The following KANK1 variants were observed in gnomAD, a reference collection of about 807,000 sequenced individuals.
KANK1 encodes the protein KN motif and ankyrin repeat domains 1.
KANK1 carries 109 observed loss-of-function variants against 106.2 expected under a neutral mutation model. The ratio of observed to expected loss-of-function variants is 1.03; its 90% CI spans 0.88 to 1.20. The LOEUF (loss-of-function observed/expected upper bound fraction) is 1.20. KANK1 is among the 50% of genes most tolerant of loss of function. The probability of loss-of-function intolerance (pLI) is 0.00; values close to 1 mark genes in which losing one functional copy is unlikely to be tolerated. For synonymous variants in KANK1, 873 were observed against 652.2 expected (o/e 1.34, Z -5.16); for missense variants, 2,399 against 1,710.7 (o/e 1.40, Z -7.10).
chr9:699,340 C>T (rs773132483), intron 2 of KANK1, among the ~76,000 whole-genome samples: 1 of 152,194 alleles, frequency 6.6e-6, no homozygotes, highest in African/African-American at 2.4e-5. Context: ...CTATTGCAGG[C>T]ACTTAATAAA....
rs528661170 is a variant in KANK1, at chr9:476,275, CT to C, written c.-362+3005del. ...GTGGCTCACGCCTGTAATCCCAGCA[CT>C]TTGGGAGGCCGAGGCGGGTGGATCA... On this transcript the variant is annotated intron_variant, in intron 3 of 15. Transcript: ENST00000382303. 3.7e-3 allele frequency among the ~76,000 whole-genome samples: 556 copies of C among 152,230 alleles called. 4 individuals are homozygous for C. Among genetic ancestry groups the C allele is most frequent in the African/African-American group, 0.013 (535 of 41,540 alleles).
intron 1 of KANK1, among the ~76,000 whole-genome samples, chr9:638,044 T>A (rs756760752): frequency 2.6e-5 from 4 of 152,190 alleles, no homozygotes; most frequent in Non-Finnish European, 5.9e-5. Context: ...ACATCCAGGT[T>A]ACATACAGAT....
At chr9:495,763 C>T (rs1482721558) in intron 3 of KANK1, among the ~76,000 whole-genome samples, 1 of 152,102 alleles carries the variant, frequency 6.6e-6, no homozygotes, top group Non-Finnish European at 1.5e-5. Context: ...TTCAGAAAAA[C>T]CTTCATTTTT....
intron 1 of KANK1, among the ~76,000 whole-genome samples, chr9:544,913 T>A (rs2060839083): frequency 6.6e-6 from 1 of 152,192 alleles, no homozygotes; most frequent in Admixed American, 6.5e-5. Context: ...AGTTTTAAGT[T>A]GGTAGGTGAA....
At chr9:487,540 A>G (rs1006474090) in intron 3 of KANK1, among the ~76,000 whole-genome samples, 6 of 152,132 alleles carry the variant, frequency 3.9e-5, no homozygotes, top group African/African-American at 1.4e-4. Flanking sequence ...AGTACCTCAG[A>G]TATATTTGTT....
intron 1 of KANK1, among the ~76,000 whole-genome samples, chr9:603,019 G>A (rs1172247442): frequency 2.6e-5 from 4 of 151,756 alleles, no homozygotes; most frequent in Non-Finnish European, 5.9e-5. Flanking sequence ...TTAGCGTTTT[G>A]TTCTACTTCA....
At chr9:670,211 C>T (rs1318052549) in intron 1 of KANK1, among the ~76,000 whole-genome samples, 1 of 152,102 alleles carries the variant, frequency 6.6e-6, no homozygotes, top group Admixed American at 6.5e-5. Context: ...ATCACCATCT[C>T]ATTAGGGTCA....
intron 1 of KANK1, among the ~76,000 whole-genome samples, chr9:513,065 G>A (rs965912843): frequency 6.6e-6 from 1 of 152,236 alleles, no homozygotes; most frequent in African/African-American, 2.4e-5. Flanking sequence ...GCTTGACAAT[G>A]AGGCTCTTGT....
intron 1 of KANK1, among the ~76,000 whole-genome samples, chr9:642,971 T>A (rs922497181): frequency 6.6e-6 from 1 of 150,710 alleles, no homozygotes; most frequent in Admixed American, 6.6e-5. Flanking sequence ...TTTATCTCCT[T>A]TTCTTCTACT....
At chr9:664,792 A>G (rs1470843396) in intron 1 of KANK1, among the ~76,000 whole-genome samples, 5 of 152,198 alleles carry the variant, frequency 3.3e-5, no homozygotes, top group African/African-American at 9.7e-5. Context: ...ATTCCCACCA[A>G]CAATGTGTGA....
chr9:704,733 C>T (rs1018956320), intron 2 of KANK1, among the ~76,000 whole-genome samples: 1 of 152,028 alleles, frequency 6.6e-6, no homozygotes. Flanking sequence ...GTAATTCCAG[C>T]ATGTTGAGAG....
intron 1 of KANK1, among the ~76,000 whole-genome samples, chr9:622,143 C>G (rs1210594329): frequency 6.6e-6 from 1 of 152,154 alleles, no homozygotes; most frequent in Non-Finnish European, 1.5e-5. Flanking sequence ...AAGGAATGGT[C>G]TAATTTCGGT....
At chr9:602,263 T>C (rs1827940668) in intron 1 of KANK1, among the ~76,000 whole-genome samples, 1 of 151,804 alleles carries the variant, frequency 6.6e-6, no homozygotes, top group Non-Finnish European at 1.5e-5. Flanking sequence ...ATTTATTTTA[T>C]TTTATTTTAT....
chr9:589,545 G>C (rs182055440), intron 1 of KANK1, among the ~76,000 whole-genome samples: 1 of 152,136 alleles, frequency 6.6e-6, no homozygotes, highest in Non-Finnish European at 1.5e-5. Context: ...CATAAAGAAA[G>C]GGAAAAACAG....
At chr9:512,414 G>A (rs2059075069) in intron 1 of KANK1, among the ~76,000 whole-genome samples, 2 of 152,030 alleles carry the variant, frequency 1.3e-5, no homozygotes, top group Admixed American at 1.3e-4. Context: ...AGCTCAGGGA[G>A]GCCGGTCTTT....
chr9:550,899 T>C lies in KANK1; in HGVS notation c.-84+46145T>C, dbSNP rs72689628. 8.9e-3 allele frequency among the ~76,000 whole-genome samples: 1,354 copies of C among 152,278 alleles called. 33 individuals are homozygous for C. Among genetic ancestry groups the C allele is most frequent in the African/African-American group, 0.031 (1,268 of 41,570 alleles). ...GACTCCAGAATAATTTCCTGTGATA[T>C]GTTTTAGCAGTTTCTCCAGGAAAAG... On this transcript the variant is annotated intron_variant, in intron 1 of 11. Coordinates refer to ENST00000382297, the MANE Select transcript of KANK1 (RefSeq NM_015158.5).
At chr9:535,602 A>C (rs1162555757) in intron 1 of KANK1, among the ~76,000 whole-genome samples, 2 of 152,188 alleles carry the variant, frequency 1.3e-5, no homozygotes, top group African/African-American at 2.4e-5. Context: ...GCGTGAGATG[A>C]AACAGACAAT....
intron 1 of KANK1, among the ~76,000 whole-genome samples, chr9:509,605 T>C (rs1290535602): frequency 6.6e-6 from 1 of 152,226 alleles, no homozygotes; most frequent in Admixed American, 6.5e-5. Flanking sequence ...ATAATCCTCT[T>C]ATTAGAAATG....
intron 1 of KANK1, among the ~76,000 whole-genome samples, chr9:589,972 A>G (rs1824438322): frequency 6.6e-6 from 1 of 152,154 alleles, no homozygotes; most frequent in South Asian, 2.1e-4. Flanking sequence ...AGATGATGTA[A>G]CTATCTGAGG....
Sources: gnomAD v4.1 joint callset for allele counts (sites outside exome capture counted in the v4.1 genomes callset) on GRCh38, gnomAD v4.1.1 for gene constraint, MANE v1.5 for transcripts, NCBI Gene and HGNC (gene_info 2026-07-23, HGNC 2026-07-21) for gene names.